FOXO1: variants seen among roughly 807,000 people sequenced by gnomAD.
FOXO1 encodes the protein forkhead box O1, also known as forkhead box protein O1.
Under a neutral mutation model 44.1 loss-of-function variants are expected in FOXO1, and 6 were observed. The observed-to-expected ratio is 0.14, with a 90% CI of 0.07 to 0.27. FOXO1 has a LOEUF of 0.27. FOXO1 is among the 10% of genes least tolerant of loss of function. The pLI, the probability that FOXO1 is intolerant of heterozygous loss-of-function variation, is 1.00. For missense variants in FOXO1, 737 were observed against 888.8 expected, an observed-to-expected ratio of 0.83 and a Z score of 2.17; for synonymous variants, 380 against 362.7, an observed-to-expected ratio of 1.05 and a Z score of -0.54.
intron 1 of FOXO1, among the ~76,000 whole-genome samples, chr13:40,567,967 TA>T (rs57290980): frequency 0.038 from 5,563 of 148,336 alleles, 132 homozygotes; most frequent in Middle Eastern, 0.063. Context: ...GACTCCGTCT[TA>T]AAAAAAAAAA....
At chr13:40,651,530 CTTCAA>C (rs987114432) in intron 1 of FOXO1, among the ~76,000 whole-genome samples, 87 of 54,856 alleles carry the variant, frequency 1.6e-3, no homozygotes, top group African/African-American at 0.01. Flanking sequence ...TACCAAATAA[CTTCAA>C]GAGAGGAAAA....
chr13:40,648,798 T>G (rs766177458), intron 1 of FOXO1, among the ~76,000 whole-genome samples: 5 of 152,084 alleles, frequency 3.3e-5, no homozygotes, highest in African/African-American at 4.8e-5. Flanking sequence ...TAACCATAAA[T>G]CCAAAAGCTT....
chr13:40,613,112 T>TA, intron 1 of FOXO1, among the ~76,000 whole-genome samples: 2 of 152,268 alleles, frequency 1.3e-5, no homozygotes, highest in African/African-American at 4.8e-5. Context: ...GAAATCTGGG[T>TA]AAAAAAGAAC....
At chr13:40,575,716 G>A (rs1190001985) in intron 1 of FOXO1, among the ~76,000 whole-genome samples, 1 of 152,128 alleles carries the variant, frequency 6.6e-6, no homozygotes, top group Non-Finnish European at 1.5e-5. Flanking sequence ...GTATACTGTG[G>A]AAATAACAAG....
At chr13:40,584,501 A>AAAAAAAAAAAGC (rs1555248680) in intron 1 of FOXO1, among the ~76,000 whole-genome samples, 2 of 117,192 alleles carry the variant, frequency 1.7e-5, no homozygotes, top group African/African-American at 3.6e-5. Context: ...AAAAAAAAAA[A>AAAAAAAAAAAGC]GCCAGATGCA....
intron 1 of FOXO1, among the ~76,000 whole-genome samples, chr13:40,650,675 C>G (rs1176643814): frequency 1.3e-5 from 2 of 152,154 alleles, no homozygotes; most frequent in Non-Finnish European, 2.9e-5. Flanking sequence ...ATTATTGAAG[C>G]CTGTGACAAT....
intron 1 of FOXO1, among the ~76,000 whole-genome samples, chr13:40,576,732 A>C (rs1328952259): frequency 6.6e-6 from 1 of 152,188 alleles, no homozygotes; most frequent in Non-Finnish European, 1.5e-5. Flanking sequence ...CTTACGGCAT[A>C]ATCTGATATT....
intron 1 of FOXO1, chr13:40,619,948 A>G: frequency 1.5e-6 from 1 of 678,140 alleles, no homozygotes; most frequent in Non-Finnish European, 2.7e-6. Context: ...AGGGCCAATA[A>G]GATCTACTAT....
chr13:40,610,988 C>T, intron 1 of FOXO1: 2 of 452,272 alleles, frequency 4.4e-6, no homozygotes, highest in Non-Finnish European at 8.9e-6. Flanking sequence ...TATACACATA[C>T]ATCTACATAA....
chr13:40,570,396 G>A (rs759555976), intron 1 of FOXO1, among the ~76,000 whole-genome samples: 4 of 138,440 alleles, frequency 2.9e-5, no homozygotes, highest in Admixed American at 2.3e-4. Flanking sequence ...GGACAAAAGA[G>A]GTGCGTTACA....
Position 40,559,820 on chromosome 13 carries a change from T to C in FOXO1, c.1671A>G (p.Gln557=). Residue 557 remains glutamine (Q), a synonymous_variant, in exon 2 of 3, where the codon CAA becomes CAG. Coordinates refer to ENST00000379561, the MANE Select transcript of FOXO1 (RefSeq NM_002015.4). The stretch of plus-strand genomic sequence containing the variant: ...GAGGCACTTGTACAGGTGTCTTCAC[T>C]TGGGTCAGGCGGTTCATACCCGAGG... The part of the protein sequence containing the change: ...PHTSGMNRLT[Q]VKTPVQVPLP... 2 of 1,614,046 alleles carry C rather than the reference T, an allele frequency of 1.2e-6. No individual in the cohort carries two copies. The highest frequency in any genetic ancestry group is 1.7e-6 in the Non-Finnish European group (2 of 1,179,978).
chr13:40,664,372 G>A (rs970487021), intron 1 of FOXO1, among the ~76,000 whole-genome samples: 1 of 152,126 alleles, frequency 6.6e-6, no homozygotes, highest in Non-Finnish European at 1.5e-5. Context: ...GCCGCGCCAC[G>A]ACTGGACCCC....
At chr13:40,617,186 C>T (rs556021068) in intron 1 of FOXO1, among the ~76,000 whole-genome samples, 2 of 152,236 alleles carry the variant, frequency 1.3e-5, no homozygotes, top group Admixed American at 1.3e-4. Context: ...TGGCTCACGC[C>T]TGTAATCCCA....
At position 40,560,142 on chromosome 13, in the gene FOXO1, C is replaced by T. The variant is rs1284155677; in HGVS notation, c.1349G>A (p.Gly450Glu). The T allele has an allele frequency of 6.2e-7, 1 of 1,614,112 alleles. No homozygotes were observed. Among genetic ancestry groups the T allele is most frequent in the South Asian group, 1.1e-5 (1 of 91,072 alleles). ...QTLQDNKSSY[G>E]GMSQYNCAPG... ...CGCACAGTTATACTGACTCATACCTCCATAACTCGACTTATTGTCCTGAAG... is the reference window on the plus strand; with the variant it reads ...CGCACAGTTATACTGACTCATACCTTCATAACTCGACTTATTGTCCTGAAG... The change falls in exon 2 of 3, where the codon GGA (glycine) becomes GAA (glutamate). Residue 450 changes from glycine (G) to glutamate (E), a missense_variant. Physicochemically the swap from Gly to Glu is moderately conservative, Grantham distance 98. Around this residue, in one of 7 missense-constraint regions of FOXO1, gnomAD observed 283 missense variants for 278.1 expected, o/e 1.02. Coordinates refer to ENST00000379561, the MANE Select transcript of FOXO1 (RefSeq NM_002015.4). The surrounding 1 kb of genome is among the most constrained non-coding windows in gnomAD (Gnocchi z 5.1).
At chr13:40,564,450 C>G (rs973809587) in intron 1 of FOXO1, among the ~76,000 whole-genome samples, 1 of 152,110 alleles carries the variant, frequency 6.6e-6, no homozygotes, top group Non-Finnish European at 1.5e-5. Flanking sequence ...GGACTTGTTA[C>G]ATAAATTCCT....
At chr13:40,567,269 C>A (rs1247062240) in intron 1 of FOXO1, among the ~76,000 whole-genome samples, 1 of 152,028 alleles carries the variant, frequency 6.6e-6, no homozygotes, top group Non-Finnish European at 1.5e-5. Context: ...ACACCTTGCT[C>A]ATGAAACCCT....
chr13:40,576,242 G>A (rs994370250), intron 1 of FOXO1, among the ~76,000 whole-genome samples: 3 of 152,178 alleles, frequency 2.0e-5, no homozygotes, highest in African/African-American at 7.2e-5. Flanking sequence ...AGGAGAGAGA[G>A]AGAGGAGGTA....
chr13:40,593,558 C>G (rs575090909), intron 1 of FOXO1, among the ~76,000 whole-genome samples: 13 of 152,204 alleles, frequency 8.5e-5, no homozygotes, highest in Non-Finnish European at 8.8e-5. Flanking sequence ...GTTCACACTT[C>G]AACTATGGTA....
chr13:40,561,284 G>A (rs191009650), intron 1 of FOXO1, among the ~76,000 whole-genome samples: 130 of 150,832 alleles, frequency 8.6e-4, no homozygotes, highest in Middle Eastern at 3.4e-3. Context: ...CCTGGGAGGC[G>A]GAGCTTGCAG....
Sources: gnomAD v4.1 joint callset for allele counts (sites outside exome capture counted in the v4.1 genomes callset) on GRCh38, gnomAD v4.1.1 for gene constraint, gnomAD v4.1.1 regional missense constraint, Gnocchi (gnomAD v3.1) non-coding constraint, MANE v1.5 for transcripts, NCBI Gene and HGNC (gene_info 2026-07-23, HGNC 2026-07-21) for gene names.